The following NMS variants were observed in gnomAD, a reference collection of about 807,000 sequenced individuals.
The protein encoded by NMS is neuromedin S, also known as neuromedin-S.
In NMS, 30 loss-of-function variants were observed where a neutral mutation model predicts 32.2. The ratio of observed to expected loss-of-function variants is 0.93; its 90% CI spans 0.70 to 1.26. NMS has a LOEUF of 1.26. NMS is among the 50% of genes most tolerant of loss of function. The pLI, the probability that NMS is intolerant of heterozygous loss-of-function variation, is 0.00. For missense variants in NMS, 190 were observed against 186.3 expected, an observed-to-expected ratio of 1.02 and a Z score of -0.12; for synonymous variants, 76 against 58.5, an observed-to-expected ratio of 1.30 and a Z score of -1.37.
At chr2:100,472,111 G>A (rs1050769613) in intron 1 of NMS, among the ~76,000 whole-genome samples, 1 of 152,162 alleles carries the variant, frequency 6.6e-6, no homozygotes, top group Non-Finnish European at 1.5e-5. Context: ...CTGCTCTTGA[G>A]CCATACATTC....
chr2:100,473,707 A>T, intron 3 of NMS, among the ~76,000 whole-genome samples, 168 bp downstream of exon 3: 1 of 151,708 alleles, frequency 6.6e-6, no homozygotes, highest in East Asian at 1.9e-4. Context: ...AATATGTTAA[A>T]TATCTTAAGT....
chr2:100,481,537 A>C (rs1424140732), intron 8 of NMS, among the ~76,000 whole-genome samples: 3 of 152,182 alleles, frequency 2.0e-5, no homozygotes, highest in African/African-American at 7.2e-5. Context: ...CCTGGGTGAC[A>C]GAGATTCTTG....
At chr2:100,479,206 C>T (rs1186590647) in intron 5 of NMS, 147 bp from the exon 6 acceptor site, 3 of 526,454 alleles carry the variant, frequency 5.7e-6, no homozygotes, top group Admixed American at 7.5e-5. Context: ...AAATTTCAGG[C>T]TTTGGCTCAA....
intron 3 of NMS, among the ~76,000 whole-genome samples, chr2:100,476,217 A>C (rs1186320162): frequency 6.6e-6 from 1 of 152,190 alleles, no homozygotes; most frequent in African/African-American, 2.4e-5. Context: ...TGTTGTGAAC[A>C]GATGCTGACA....
intron 5 of NMS, among the ~76,000 whole-genome samples, chr2:100,478,973 C>T (rs1405566173): frequency 2.0e-5 from 3 of 152,230 alleles, no homozygotes; most frequent in East Asian, 3.9e-4. Context: ...GGGAGGGTTA[C>T]GGGGGCTGCC....
At chr2:100,481,259 C>G (rs555502890) in intron 8 of NMS, 92 bp downstream of exon 8, 6 of 1,152,906 alleles carry the variant, frequency 5.2e-6, no homozygotes, top group Non-Finnish European at 7.9e-6. Context: ...AGCCAGGACC[C>G]CTTGGTAAAC....
At chr2:100,481,210 C>T (rs1326890761) in intron 8 of NMS, 43 bp downstream of exon 8, 2 of 1,579,574 alleles carry the variant, frequency 1.3e-6, no homozygotes, top group Non-Finnish European at 8.7e-7. Context: ...CCTCGATTCA[C>T]TGCAGCCATC....
intron 1 of NMS, among the ~76,000 whole-genome samples, chr2:100,471,048 C>A (rs565101460): frequency 6.6e-6 from 1 of 152,310 alleles, no homozygotes; most frequent in Admixed American, 6.5e-5. Context: ...TTTAGAGAAG[C>A]AGGGTTCCAG....
intron 3 of NMS, among the ~76,000 whole-genome samples, chr2:100,474,380 T>C (rs1677066727): frequency 6.6e-6 from 1 of 152,130 alleles, no homozygotes; most frequent in Admixed American, 6.6e-5. Flanking sequence ...AGTGAATCTA[T>C]CAGTGAATCT....
chr2:100,471,180 T>A (rs1677001291), intron 1 of NMS, among the ~76,000 whole-genome samples: 1 of 152,206 alleles, frequency 6.6e-6, no homozygotes, highest in Non-Finnish European at 1.5e-5. Context: ...AGTGAGGGTC[T>A]GTGGTTGGAA....
intron 3 of NMS, among the ~76,000 whole-genome samples, chr2:100,476,018 A>G (rs1573235090): frequency 6.8e-6 from 1 of 146,878 alleles, no homozygotes; most frequent in East Asian, 2.0e-4. Flanking sequence ...AAAAGAAAAG[A>G]AAAGAAAAGA....
intron 8 of NMS, among the ~76,000 whole-genome samples, chr2:100,481,772 C>T (rs1677220917): frequency 6.6e-6 from 1 of 152,222 alleles, no homozygotes; most frequent in Non-Finnish European, 1.5e-5. Context: ...TGATGTCTCA[C>T]AATACACACT....
intron 3 of NMS, among the ~76,000 whole-genome samples, chr2:100,474,980 G>C (rs1405740029): frequency 1.3e-5 from 2 of 152,066 alleles, no homozygotes; most frequent in East Asian, 3.9e-4. Flanking sequence ...GGTGAAGACT[G>C]GGGGTGTCCT....
chr2:100,479,540 C>G, intron 6 of NMS, 113 bp downstream of exon 6: 1 of 934,604 alleles, frequency 1.1e-6, no homozygotes, highest in South Asian at 1.7e-5. Context: ...AAATCTTAGT[C>G]TCCACCTTGG....
intron 5 of NMS, among the ~76,000 whole-genome samples, 169 bp downstream of exon 5, chr2:100,477,583 C>G (rs1202832330): frequency 6.6e-6 from 1 of 152,106 alleles, no homozygotes. Context: ...CTCTTTCTCC[C>G]TCTGGGCTGG....
chr2:100,474,114 G>A (rs1042074705), intron 3 of NMS, among the ~76,000 whole-genome samples: 7 of 152,216 alleles, frequency 4.6e-5, no homozygotes, highest in South Asian at 2.1e-4. Context: ...GCAGTGAGCC[G>A]AGATCATGCC....
intron 7 of NMS, 95 bp from the exon 8 acceptor site, chr2:100,481,031 G>A: frequency 7.9e-7 from 1 of 1,264,388 alleles, no homozygotes. Flanking sequence ...CACTGGTCTG[G>A]GACCACCCAT....
intron 9 of NMS, among the ~76,000 whole-genome samples, chr2:100,482,927 G>T (rs1379455871): frequency 1.3e-5 from 2 of 152,320 alleles, no homozygotes; most frequent in South Asian, 2.1e-4. Context: ...AATGGATGCT[G>T]CCAGCAGGGG....
rs775371278 is a variant in NMS at position 100,479,431 on chromosome 2, C to T, written c.336+4C>T. ...GATGAAGAGAATTCTGCAGCGAGTA[C>T]GTGCTTTTATTCTTCCACCATAGTT... On this transcript the variant is annotated splice_donor_region_variant and intron_variant, in intron 6 of 9. Coordinates refer to ENST00000376865, the MANE Select transcript of NMS (RefSeq NM_001011717.1). 52 of 1,608,436 alleles carry T rather than the reference C, an allele frequency of 3.2e-5. No individual in the cohort carries two copies. Among genetic ancestry groups the T allele is most frequent in the Non-Finnish European group, 4.3e-5 (51 of 1,177,122 alleles).
Sources: allele counts gnomAD v4.1 joint callset (sites outside exome capture counted in the v4.1 genomes callset), GRCh38; gene constraint gnomAD v4.1.1; transcripts MANE v1.5; gene names NCBI Gene and HGNC (gene_info 2026-07-23, HGNC 2026-07-21).